The following ATXN10 variants were observed in gnomAD, a reference collection of about 807,000 sequenced individuals.
ATXN10 encodes ataxin 10.
Under a neutral mutation model 52.9 loss-of-function variants are expected in ATXN10, and 28 were observed. That is an observed-to-expected ratio of 0.53 (90% CI 0.39 to 0.73). The LOEUF (loss-of-function observed/expected upper bound fraction) is 0.73. Ranked by LOEUF, ATXN10 falls within the 30% of genes least tolerant of loss-of-function variation. ATXN10 has a pLI of 0.00. For missense variants in ATXN10, 565 were observed against 577.0 expected (o/e 0.98, Z 0.21); for synonymous variants, 226 against 221.5 (o/e 1.02, Z -0.18).
Position 45,718,526 on chromosome 22 carries a change from T to G in ATXN10, c.728+33T>G, listed in dbSNP as rs1485457017. On this transcript the variant is annotated intron_variant, in intron 6 of 11. Transcript: ENST00000252934. This position sits in a 1 kb window ranked among gnomAD's most constrained non-coding sequence, Gnocchi z 4.4. ...CCCAACCAGCGTGGTCTGGAGTATT[T>G]AGCATTCCATATAGGGTATTCGATG... The G allele has an allele frequency of 5.8e-6, 9 of 1,551,528 alleles. No individual in the cohort carries two copies. The highest frequency in any genetic ancestry group is 1.4e-5 in the African/African-American group (1 of 73,500).
chr22:45,822,523 ATTTT>A lies in ATXN10; in HGVS notation c.1237+15523_1237+15526del, dbSNP rs763159693. The stretch of plus-strand genomic sequence containing the variant: ...TTGTGATTTTATTTGAATTTCTCCA[ATTTT>A]TTTTTTTTTTTTTTTTTTTTTGAGA... On this transcript the variant is annotated intron_variant, in intron 10 of 11. Coordinates refer to ENST00000252934, the MANE Select transcript of ATXN10 (RefSeq NM_013236.4). Among the ~76,000 whole-genome samples the A allele has an allele frequency of 1.7e-4, 16 of 96,632 alleles. No homozygotes were observed. In the South Asian group the frequency reaches 2.7e-3, roughly 16 times the overall value. The allele number at this position is 96,632 out of a possible 152,430, so 63.4% of individuals were successfully genotyped here.
In ATXN10 at chr22:45,708,994, AT is replaced by A. The variant is rs1163665235; in HGVS notation, c.647+6148del. Among the ~76,000 whole-genome samples, 2 of 152,236 alleles carry A rather than the reference AT, an allele frequency of 1.3e-5. No individual in the cohort carries two copies. Among genetic ancestry groups the A allele is most frequent in the African/African-American group, 2.4e-5 (1 of 41,468 alleles). ...CCAGTTTCACTACAAAAATGAAGTT[AT>A]AACTGGGAGCAAAGCATTCTTTTTT... is the stretch of plus-strand genomic sequence containing the variant. On this transcript the variant is annotated intron_variant, in intron 5 of 11. Transcript: ENST00000252934. The surrounding 1 kb of genome is among the most constrained non-coding windows in gnomAD (Gnocchi z 5.3).
chr22:45,838,370 G>C (rs1929235199), intron 10 of ATXN10, among the ~76,000 whole-genome samples: 1 of 152,172 alleles, frequency 6.6e-6, no homozygotes, highest in South Asian at 2.1e-4. Flanking sequence ...AGACCCCAGA[G>C]CCCCCTGCTG....
rs1156239344 is a variant in ATXN10, at chr22:45,789,971, G to A, written c.1174-16988G>A. Among the ~76,000 whole-genome samples the A allele has an allele frequency of 6.6e-6, 1 of 152,068 alleles. No homozygotes were observed. The highest frequency in any genetic ancestry group is 1.5e-5 in the Non-Finnish European group (1 of 68,032). On this transcript the variant is annotated intron_variant, in intron 9 of 11. Transcript: ENST00000252934. This position sits in a 1 kb window ranked among gnomAD's most constrained non-coding sequence, Gnocchi z 4.0. ...CCATATTAAGATACTCCAATGAAAG[G>A]CCTACATTCATTGTAATAATAGAAT...
intron 10 of ATXN10, among the ~76,000 whole-genome samples, chr22:45,815,531 G>C (rs1402070916): frequency 6.6e-6 from 1 of 152,126 alleles, no homozygotes; most frequent in Non-Finnish European, 1.5e-5. Context: ...TACATTTTCA[G>C]AACAGTTCTC....
At chr22:45,721,840 G>A (rs560719098) in intron 6 of ATXN10, among the ~76,000 whole-genome samples, 1 of 152,224 alleles carries the variant, frequency 6.6e-6, no homozygotes, top group Admixed American at 6.5e-5. Context: ...ACTTTAACTT[G>A]GGAGGTGGAG....
chr22:45,700,998 A>T (rs913349373), intron 4 of ATXN10, among the ~76,000 whole-genome samples: 1 of 152,202 alleles, frequency 6.6e-6, no homozygotes, highest in Non-Finnish European at 1.5e-5. Flanking sequence ...AGCTCTGTTC[A>T]TAAGAAATTG....
chr22:45,687,990 G>C (rs1050016953), intron 1 of ATXN10, among the ~76,000 whole-genome samples: 1 of 152,194 alleles, frequency 6.6e-6, no homozygotes, highest in Non-Finnish European at 1.5e-5. Context: ...CCAGGAGGCA[G>C]AGGTTGCAGT....
Position 45,733,735 on chromosome 22 carries a change from G to A in ATXN10, c.894+4145G>A, listed in dbSNP as rs1443941848. 1.3e-5 allele frequency among the ~76,000 whole-genome samples: 2 copies of A among 150,466 alleles called. No homozygotes were observed. Among genetic ancestry groups the A allele is most frequent in the East Asian group, 2.0e-4 (1 of 5,122 alleles). On this transcript the variant is annotated intron_variant, in intron 7 of 11. Coordinates refer to ENST00000252934, the MANE Select transcript of ATXN10 (RefSeq NM_013236.4). The surrounding 1 kb of genome is among the most constrained non-coding windows in gnomAD (Gnocchi z 4.4). The stretch of plus-strand genomic sequence containing the variant: ...TGTGCCATTGCACTTCAGCCTGGGC[G>A]ACAGAGCAAGACTCCCATCTTAAAA...
Position 45,689,873 on chromosome 22 carries a change from T to G in ATXN10, c.278T>G (p.Ile93Arg), listed in dbSNP as rs1432441872. ...TTCAGGTGTCTTCGCAATGCTTGCA[T>G]AGAGTGTTCTGTGAACCAGAATTCA... ...ECFRCLRNACIECSVNQNSIR... is the reference protein window; with the variant it reads ...ECFRCLRNACRECSVNQNSIR... The change falls in exon 2 of 12, where the codon ATA becomes AGA. Residue 93 changes from isoleucine to arginine, a missense_variant. Physicochemically the swap from Ile to Arg is moderately conservative, Grantham distance 97. Coordinates refer to ENST00000252934, the MANE Select transcript of ATXN10 (RefSeq NM_013236.4). 1 of 1,614,188 alleles carries G rather than the reference T, an allele frequency of 6.2e-7. No individual in the cohort carries two copies. Among genetic ancestry groups the G allele is most frequent in the Admixed American group, 1.7e-5 (1 of 60,028 alleles).
At chr22:45,742,281 T>C (rs2146805293) in intron 9 of ATXN10, among the ~76,000 whole-genome samples, 1 of 152,236 alleles carries the variant, frequency 6.6e-6, no homozygotes, top group East Asian at 1.9e-4. Flanking sequence ...CAGTTTACAA[T>C]TGCTTGACGT....
At chr22:45,839,077 C>T (rs1929261837) in intron 10 of ATXN10, among the ~76,000 whole-genome samples, 8 of 152,176 alleles carry the variant, frequency 5.3e-5, no homozygotes, top group Admixed American at 5.2e-4. Context: ...ATGAATTTCA[C>T]TTAAAATATG....
rs746825111 is a variant in ATXN10 at position 45,718,371 on chromosome 22, T to G, written c.648-42T>G. The G allele has an allele frequency of 6.8e-7, 1 of 1,464,126 alleles. No individual in the cohort carries two copies. Among genetic ancestry groups the G allele is most frequent in the South Asian group, 1.1e-5 (1 of 88,008 alleles). 90.7% of individuals were successfully genotyped at this position (1,464,126 alleles called of 1,614,324 possible). ...GTAGATAAGGGCATGTCTCTTTTAC[T>G]ATGTTTCAAGTAACCAAACTTTCCT... On this transcript the variant is annotated intron_variant, in intron 5 of 11. Transcript: ENST00000252934. The surrounding 1 kb of genome is among the most constrained non-coding windows in gnomAD (Gnocchi z 4.4).
rs1928794822 is a variant in ATXN10 at position 45,825,786 on chromosome 22, A to G, written c.1238-17205A>G. On this transcript the variant is annotated intron_variant, in intron 10 of 11. Transcript: ENST00000252934. The surrounding 1 kb of genome is among the most constrained non-coding windows in gnomAD (Gnocchi z 4.5). ...GAACGTGTGGAAAATCAATAAAACA[A>G]TATATGGACAAGCCCAGGTGCAGTG... Among the ~76,000 whole-genome samples the G allele has an allele frequency of 1.3e-5, 2 of 152,194 alleles. No homozygotes were observed.
At chr22:45,791,398 A>G (rs1927504770) in intron 9 of ATXN10, among the ~76,000 whole-genome samples, 2 of 152,130 alleles carry the variant, frequency 1.3e-5, no homozygotes, top group Non-Finnish European at 2.9e-5. Context: ...CTTAGCATCT[A>G]TGTAAACTTT....
chr22:45,672,136 G>C lies in ATXN10; in HGVS notation c.73G>C (p.Ala25Pro), dbSNP rs1321258908. 1.3e-6 allele frequency: 2 copies of C among 1,540,052 alleles called. No homozygotes were observed. The highest frequency in any genetic ancestry group is 2.7e-5 in the African/African-American group (2 of 72,788). Reference protein sequence around the residue: ...MVPAPIQDLEALRALTALFKE... With the variant: ...MVPAPIQDLEPLRALTALFKE... ...GCCGGCGCCCATCCAAGACCTGGAGGCCCTGCGCGCGCTCACGGCGCTCTT... is the reference window on the plus strand; with the variant it reads ...GCCGGCGCCCATCCAAGACCTGGAGCCCCTGCGCGCGCTCACGGCGCTCTT... The change falls in exon 1 of 12, where the codon GCC becomes CCC. Residue 25 changes from alanine (A) to proline (P), a missense_variant. Transcript: ENST00000252934.
intron 5 of ATXN10, among the ~76,000 whole-genome samples, chr22:45,713,524 C>G (rs886643564): frequency 6.6e-6 from 1 of 152,114 alleles, no homozygotes; most frequent in African/African-American, 2.4e-5. Context: ...GTCCTTAAAG[C>G]CTGAGGAGCC....
In ATXN10 at chr22:45,824,371, T is replaced by A. The variant is rs1008169500; in HGVS notation, c.1237+17349T>A. 6.6e-6 allele frequency among the ~76,000 whole-genome samples: 1 copy of A among 152,224 alleles called. No individual in the cohort carries two copies. Among genetic ancestry groups the A allele is most frequent in the African/African-American group, 2.4e-5 (1 of 41,460 alleles). ...AGGCCCCCTTTTTATTGTTTCACCT[T>A]ATCCTGTAATTTAACATTGTAGCTT... On this transcript the variant is annotated intron_variant, in intron 10 of 11. Coordinates refer to ENST00000252934, the MANE Select transcript of ATXN10 (RefSeq NM_013236.4). The surrounding 1 kb of genome is among the most constrained non-coding windows in gnomAD (Gnocchi z 5.2).
At chr22:45,682,935 G>A (rs1159919828) in intron 1 of ATXN10, among the ~76,000 whole-genome samples, 1 of 152,084 alleles carries the variant, frequency 6.6e-6, no homozygotes, top group Non-Finnish European at 1.5e-5. Flanking sequence ...TCCTGCTGTC[G>A]TCTCTTTCTC....
Sources: allele counts gnomAD v4.1 joint callset (sites outside exome capture counted in the v4.1 genomes callset), GRCh38; gene constraint gnomAD v4.1.1; non-coding constraint Gnocchi (gnomAD v3.1); transcripts MANE v1.5; gene names NCBI Gene and HGNC (gene_info 2026-07-23, HGNC 2026-07-21).